USP4: variants seen among roughly 807,000 people sequenced by gnomAD.
The protein encoded by USP4 is ubiquitin specific peptidase 4, also known as ubiquitin carboxyl-terminal hydrolase 4.
Under a neutral mutation model 118.2 loss-of-function variants are expected in USP4, and 72 were observed. The observed-to-expected ratio is 0.61, with a 90% confidence interval of 0.50 to 0.74. USP4 has a LOEUF of 0.74. Ranked by LOEUF, USP4 falls within the 30% of genes least tolerant of loss-of-function variation. The pLI, the probability that USP4 is intolerant of heterozygous loss-of-function variation, is 0.00. For synonymous variants in USP4, 415 were observed against 440.4 expected (o/e 0.94, Z 0.72); for missense variants, 1,037 against 1,185.7 (o/e 0.87, Z 1.84).
At chr3:49,287,315 C>T (rs761897231) in intron 15 of USP4, among the ~76,000 whole-genome samples, 2 of 151,958 alleles carry the variant, frequency 1.3e-5, no homozygotes, top group Admixed American at 6.6e-5. Flanking sequence ...CTACCACACC[C>T]GGCTACTTTT....
chr3:49,330,396 C>T (rs953511613), intron 2 of USP4, among the ~76,000 whole-genome samples: 3 of 151,556 alleles, frequency 2.0e-5, no homozygotes, highest in Non-Finnish European at 2.9e-5. Context: ...GGCGCCATCT[C>T]GGCTCACTGC....
intron 10 of USP4, among the ~76,000 whole-genome samples, chr3:49,301,337 G>A (rs373102721): frequency 4.6e-5 from 7 of 152,050 alleles, no homozygotes; most frequent in Non-Finnish European, 8.8e-5. Flanking sequence ...GAACACTATC[G>A]GTACAGAGAC....
In USP4 at chr3:49,278,859, G is replaced by A. The variant is rs1315209564; in HGVS notation, c.2688C>T (p.Tyr896=). Residue 896 remains tyrosine, a synonymous_variant, in exon 21 of 22, where the codon TAC becomes TAT. Transcript: ENST00000265560. The stretch of plus-strand genomic sequence containing the variant: ...CCAGGGACACGTTGCTATCATCAAA[G>A]TAATACCATTTACCATTCAGTTTGT... The part of the protein sequence containing the change: ...AKNKLNGKWY[Y]FDDSNVSLAS... 9.9e-6 allele frequency: 16 copies of A among 1,613,004 alleles called. No individual in the cohort carries two copies. In the East Asian group the frequency reaches 1.1e-4, roughly 11 times the overall value.
intron 6 of USP4, among the ~76,000 whole-genome samples, chr3:49,324,061 C>T (rs1182470420): frequency 6.6e-6 from 1 of 151,862 alleles, no homozygotes; most frequent in Non-Finnish European, 1.5e-5. Flanking sequence ...TATAATGGTG[C>T]GATCTCAGCT....
At position 49,305,914 on chromosome 3, in the gene USP4, T is replaced by C. The variant is rs368115199; in HGVS notation, c.955-26A>G. 12 of 1,606,552 alleles carry C rather than the reference T, an allele frequency of 7.5e-6. No individual in the cohort carries two copies. The South Asian group carries it at 1.0e-4, about 13-fold the overall frequency. ...CTGAAACAGAACATGATGAGGGCTT[T>C]ACACACCTTCTAGACAGTACCAGAG... On this transcript the variant is annotated intron_variant, in intron 8 of 21. Coordinates refer to ENST00000265560, the MANE Select transcript of USP4 (RefSeq NM_003363.4).
chr3:49,283,259 C>T (rs745820131), intron 19 of USP4, among the ~76,000 whole-genome samples: 35 of 152,062 alleles, frequency 2.3e-4, no homozygotes, highest in Non-Finnish European at 5.0e-4. Context: ...TGTGATCTGC[C>T]CACCTTGGCC....
At chr3:49,297,462 G>A (rs1313985451) in intron 13 of USP4, among the ~76,000 whole-genome samples, 3 of 152,242 alleles carry the variant, frequency 2.0e-5, no homozygotes, top group South Asian at 2.1e-4. Context: ...CATGGTACTC[G>A]CTGAGAAGCT....
chr3:49,278,843 C>T lies in USP4; in HGVS notation c.2704G>A (p.Val902Met), dbSNP rs778327690. 4.1e-5 allele frequency: 66 copies of T among 1,612,956 alleles called. No homozygotes were observed. Among genetic ancestry groups the T allele is most frequent in the Middle Eastern group, 1.6e-4 (1 of 6,078 alleles). Residue 902 changes from valine (V) to methionine (M), a missense_variant, in exon 21 of 22, where the codon GTG becomes ATG. By Grantham distance (21) the Val-to-Met change is conservative. Transcript: ENST00000265560. ...ATCTGATCCTCAGAGGCCAGGGACA[C>T]GTTGCTATCATCAAAGTAATACCAT... is the stretch of plus-strand genomic sequence containing the variant. ...GKWYYFDDSNVSLASEDQIVT... is the reference protein window; with the variant it reads ...GKWYYFDDSNMSLASEDQIVT...
In USP4 at chr3:49,298,540, A is replaced by G; in HGVS notation, c.1596+12T>C. The G allele has an allele frequency of 6.2e-7, 1 of 1,613,624 alleles. No homozygotes were observed. Among genetic ancestry groups the G allele is most frequent in the Non-Finnish European group, 8.5e-7 (1 of 1,179,736 alleles). On this transcript the variant is annotated intron_variant, in intron 12 of 21. Coordinates refer to ENST00000265560, the MANE Select transcript of USP4 (RefSeq NM_003363.4). ...CCAAATAGACCGAGTGCCACTGATCACCCCGCCTTACATTTTCTGCAGCAA... is the reference window on the plus strand; with the variant it reads ...CCAAATAGACCGAGTGCCACTGATCGCCCCGCCTTACATTTTCTGCAGCAA...
Position 49,278,891 on chromosome 3 carries a change from C to T in USP4, c.2656G>A (p.Ala886Thr), listed in dbSNP as rs2046988613. 2 of 1,610,224 alleles carry T rather than the reference C, an allele frequency of 1.2e-6. No homozygotes were observed. Among genetic ancestry groups the T allele is most frequent in the South Asian group, 2.2e-5 (2 of 90,380 alleles). Residue 886 changes from alanine to threonine, a missense_variant, in exon 21 of 22, where the codon GCG (alanine) becomes ACG (threonine). Around this residue, in one of 3 missense-constraint regions of USP4, gnomAD observed 522 missense variants for 592.6 expected, o/e 0.88. Coordinates refer to ENST00000265560, the MANE Select transcript of USP4 (RefSeq NM_003363.4). ...AMGVGHYTAY[A>T]KNKLNGKWYY... ...CATTTACCATTCAGTTTGTTCTTCG[C>T]ATATGCAGTGTCTGCCAAGTCAACA... is the stretch of plus-strand genomic sequence containing the variant.
Position 49,306,064 on chromosome 3 carries a change from G to GT in USP4, c.955-177_955-176insA, listed in dbSNP as rs1471946536. Among the ~76,000 whole-genome samples the GT allele has an allele frequency of 7.9e-5, 12 of 152,112 alleles. No individual in the cohort carries two copies. The East Asian group carries it at 2.1e-3, about 27-fold the overall frequency. ...CCTCAAGGAGGCCAAGCTGCAAGGT[G>GT]GACCCCTTGCAGCTAATCTCGGAGG... On this transcript the variant is annotated intron_variant, in intron 8 of 21. Transcript: ENST00000265560.
chr3:49,307,453 A>C (rs1425950705), intron 8 of USP4, among the ~76,000 whole-genome samples: 2 of 152,022 alleles, frequency 1.3e-5, no homozygotes. Context: ...GTCTTTAAAA[A>C]ATTTTTTTTT....
chr3:49,292,442 CT>C (rs2047161309), intron 15 of USP4, 67 bp downstream of exon 15: 1 of 1,115,040 alleles, frequency 9.0e-7, no homozygotes, highest in Non-Finnish European at 1.3e-6. Flanking sequence ...TGTGTAACAC[CT>C]TTAGAAGAAG....
chr3:49,281,523 CACACACACAT>C (rs1441292393), intron 19 of USP4, among the ~76,000 whole-genome samples: 32 of 149,250 alleles, frequency 2.1e-4, no homozygotes, highest in African/African-American at 7.2e-4. Context: ...CACACACACA[CACACACACAT>C]ATATACATTT....
intron 6 of USP4, chr3:49,318,664 T>TG: frequency 1.0e-6 from 1 of 970,056 alleles, no homozygotes; most frequent in Non-Finnish European, 1.2e-6. Context: ...ATCCCAGCAC[T>TG]CTGGGACGCC....
intron 15 of USP4, among the ~76,000 whole-genome samples, chr3:49,290,624 C>T (rs1212504434): frequency 2.0e-5 from 3 of 152,284 alleles, no homozygotes; most frequent in Non-Finnish European, 2.9e-5. Flanking sequence ...AAGAGATTGT[C>T]GTGCTTCAGC....
rs770126221 is a variant in USP4, at chr3:49,300,551, A to G, written c.1428T>C (p.Tyr476=). The G allele has an allele frequency of 6.2e-7, 1 of 1,614,246 alleles. No homozygotes were observed. The highest frequency in any genetic ancestry group is 2.2e-5 in the East Asian group (1 of 44,886). The change falls in exon 11 of 22, where the codon TAT becomes TAC. Residue 476 remains tyrosine (Y), a synonymous_variant. Coordinates refer to ENST00000265560, the MANE Select transcript of USP4 (RefSeq NM_003363.4). ...KVSVTFDPFC[Y]LTLPLPLKKD... Reference sequence around the variant, plus strand: ...TCTTCAAGGGCAGTGGCAGCGTTAGATAGCAAAATGGGTCAAAGGTCACAG... The same window carrying G: ...TCTTCAAGGGCAGTGGCAGCGTTAGGTAGCAAAATGGGTCAAAGGTCACAG...
At chr3:49,316,118 C>T (rs1217456988) in intron 6 of USP4, among the ~76,000 whole-genome samples, 8 of 151,976 alleles carry the variant, frequency 5.3e-5, no homozygotes, top group African/African-American at 1.9e-4. Context: ...AGGAGAATCA[C>T]TTGAACCCGG....
chr3:49,339,018 G>C (rs540923624), intron 1 of USP4, among the ~76,000 whole-genome samples: 1 of 151,062 alleles, frequency 6.6e-6, no homozygotes, highest in Non-Finnish European at 1.5e-5. Context: ...GTGGTGGCGT[G>C]AGCCTGTAAT....
Sources: gnomAD v4.1 joint callset for allele counts (sites outside exome capture counted in the v4.1 genomes callset) on GRCh38, gnomAD v4.1.1 for gene constraint, gnomAD v4.1.1 regional missense constraint, MANE v1.5 for transcripts, NCBI Gene and HGNC (gene_info 2026-07-23, HGNC 2026-07-21) for gene names.